The following ADAMTS17 variants were observed in gnomAD, a reference collection of about 807,000 sequenced individuals.
ADAMTS17 encodes the protein A disintegrin and metalloproteinase with thrombospondin motifs 17.
A neutral mutation model predicts 141.5 loss-of-function variants in ADAMTS17; 113 were observed. The observed-to-expected ratio is 0.80, with a 90% confidence interval of 0.69 to 0.93. The LOEUF (loss-of-function observed/expected upper bound fraction) is 0.93, where lower values mean the gene tolerates loss of function less well. ADAMTS17 is among the 40% of genes least tolerant of loss of function. The pLI is 0.00. For synonymous variants in ADAMTS17, 768 were observed against 630.6 expected (o/e 1.22, Z -3.27); for missense variants, 1,659 against 1,517.9 (o/e 1.09, Z -1.54).
intron 7 of ADAMTS17, among the ~76,000 whole-genome samples, chr15:100,205,449 G>T (rs1250143251): frequency 1.3e-5 from 2 of 152,188 alleles, no homozygotes; most frequent in African/African-American, 4.8e-5. Flanking sequence ...AGTGCATGGA[G>T]ATATCGTGCA....
chr15:100,186,919 T>C (rs1419364907), intron 8 of ADAMTS17, among the ~76,000 whole-genome samples: 1 of 152,228 alleles, frequency 6.6e-6, no homozygotes, highest in Admixed American at 6.5e-5. Flanking sequence ...TTTGTCTCAT[T>C]TCCCTTTTGC....
intron 18 of ADAMTS17, among the ~76,000 whole-genome samples, chr15:100,004,196 C>T (rs953426714): frequency 6.6e-6 from 1 of 152,230 alleles, no homozygotes; most frequent in Non-Finnish European, 1.5e-5. Flanking sequence ...GAGGAGCCGT[C>T]TACGGGGGTT....
At chr15:100,067,212 G>T (rs2033602227) in intron 15 of ADAMTS17, among the ~76,000 whole-genome samples, 1 of 151,440 alleles carries the variant, frequency 6.6e-6, no homozygotes, top group African/African-American at 2.4e-5. Context: ...CTTCCCTTAT[G>T]ATATTGAGAA....
At position 99,996,577 on chromosome 15, in the gene ADAMTS17, G is replaced by C. The variant is rs1433880054; in HGVS notation, c.2796+808C>G. On this transcript the variant is annotated intron_variant, in intron 19 of 21. Transcript: ENST00000268070. Reference sequence around the variant, plus strand: ...TGTTTGAAAATTAACCTTTGTTTTAGAGCAGCCAATGGCAGACTTTTCCTT... The same window carrying C: ...TGTTTGAAAATTAACCTTTGTTTTACAGCAGCCAATGGCAGACTTTTCCTT... Among the ~76,000 whole-genome samples, 9 of 152,300 alleles carry C rather than the reference G, an allele frequency of 5.9e-5. No homozygotes were observed. The South Asian group carries it at 1.9e-3, about 32-fold the overall frequency.
chr15:100,108,467 C>T (rs1442337252), intron 14 of ADAMTS17, among the ~76,000 whole-genome samples: 1 of 152,212 alleles, frequency 6.6e-6, no homozygotes, highest in East Asian at 1.9e-4. Context: ...AGCCACCGCA[C>T]CCGGCCTCTC....
intron 15 of ADAMTS17, among the ~76,000 whole-genome samples, chr15:100,090,898 C>A (rs2035418675): frequency 6.6e-6 from 1 of 151,364 alleles, no homozygotes; most frequent in African/African-American, 2.4e-5. Context: ...ATCTCAGCTA[C>A]TCAGGAGGCT....
intron 10 of ADAMTS17, among the ~76,000 whole-genome samples, chr15:100,152,015 G>A (rs1457310470): frequency 6.6e-6 from 1 of 152,192 alleles, no homozygotes; most frequent in Non-Finnish European, 1.5e-5. Context: ...GTAAACCAGG[G>A]ACAGGATCTC....
chr15:99,994,981 T>G (rs1157177086), intron 19 of ADAMTS17, among the ~76,000 whole-genome samples: 1 of 152,246 alleles, frequency 6.6e-6, no homozygotes, highest in East Asian at 1.9e-4. Flanking sequence ...CAATGTCCCC[T>G]GCAGGGAGTG....
chr15:100,112,734 T>G (rs2036864593), intron 13 of ADAMTS17, among the ~76,000 whole-genome samples: 3 of 152,164 alleles, frequency 2.0e-5, no homozygotes, highest in Non-Finnish European at 4.4e-5. Flanking sequence ...GAGATGGAAT[T>G]CTGACTGAAG....
In ADAMTS17 at chr15:100,281,386, G is replaced by C; in HGVS notation, c.632C>G (p.Thr211Arg). The C allele has an allele frequency of 1.9e-6, 3 of 1,612,560 alleles. No individual in the cohort carries two copies. Among genetic ancestry groups the C allele is most frequent in the Non-Finnish European group, 1.7e-6 (2 of 1,179,946 alleles). The change falls in exon 4 of 22, where the codon ACG becomes AGG. Residue 211 changes from threonine (T) to arginine (R), a missense_variant. Physicochemically the swap from Thr to Arg is moderately conservative, Grantham distance 71. Transcript: ENST00000268070. ...CKVLTEKKKP[T>R]WGRPSRDWRE... The stretch of plus-strand genomic sequence containing the variant: ...CCAGTCCCGCGAAGGCCTGCCCCAC[G>C]TCGGCTTCTTCTTTTCTAGAAAATG...
At position 99,993,965 on chromosome 15, in the gene ADAMTS17, G is replaced by A. The variant is rs1191329119; in HGVS notation, c.2797-765C>T. Reference sequence around the variant, plus strand: ...AGCAAGAAGGAGCGAAGAGGCAGGGGGCATGACAGGGTGTCAACACAGCAG... The same window carrying A: ...AGCAAGAAGGAGCGAAGAGGCAGGGAGCATGACAGGGTGTCAACACAGCAG... On this transcript the variant is annotated intron_variant, in intron 19 of 21. Coordinates refer to ENST00000268070, the MANE Select transcript of ADAMTS17 (RefSeq NM_139057.4). This position sits in a 1 kb window ranked among gnomAD's most constrained non-coding sequence, Gnocchi z 4.3. Among the ~76,000 whole-genome samples the A allele has an allele frequency of 6.6e-6, 1 of 152,178 alleles. No homozygotes were observed. Among genetic ancestry groups the A allele is most frequent in the Non-Finnish European group, 1.5e-5 (1 of 68,042 alleles).
At chr15:100,054,204 G>A (rs1172435268) in intron 15 of ADAMTS17, 150 bp from the exon 16 acceptor site, 4 of 884,786 alleles carry the variant, frequency 4.5e-6, no homozygotes, top group African/African-American at 3.3e-5. Flanking sequence ...GAAGGCGAGT[G>A]CTCTGTATAC....
At chr15:100,187,929 G>A (rs1422415373) in intron 8 of ADAMTS17, among the ~76,000 whole-genome samples, 2 of 152,198 alleles carry the variant, frequency 1.3e-5, no homozygotes. Flanking sequence ...AAGTCAAAGA[G>A]CAGCAATAAC....
chr15:100,152,963 T>TTATTATTTTTATTAGCAAGGAA (rs1389232010), intron 9 of ADAMTS17, among the ~76,000 whole-genome samples: 43 of 21,282 alleles, frequency 2.0e-3, no homozygotes, highest in Non-Finnish European at 5.9e-3. Flanking sequence ...CAAATGTGAA[T>TTATTATTTTTATTAGCAAGGAA]CTTCGCTCTG....
In ADAMTS17 at chr15:99,974,290, A is replaced by T; in HGVS notation, c.*112T>A. On this transcript the variant is annotated 3_prime_UTR_variant, in exon 22 of 22. Coordinates refer to ENST00000268070, the MANE Select transcript of ADAMTS17 (RefSeq NM_139057.4). ...CCAAGTCCACGCTCATGTTCTATGTAGTTGGATTCTTGTGGCAGCCGGGTG... is the reference window on the plus strand; with the variant it reads ...CCAAGTCCACGCTCATGTTCTATGTTGTTGGATTCTTGTGGCAGCCGGGTG... The T allele has an allele frequency of 7.3e-7, 1 of 1,377,966 alleles. No individual in the cohort carries two copies. Among genetic ancestry groups the T allele is most frequent in the Non-Finnish European group, 1.0e-6 (1 of 975,666 alleles). 85.4% of individuals were successfully genotyped at this position (1,377,966 alleles called of 1,614,324 possible).
intron 18 of ADAMTS17, among the ~76,000 whole-genome samples, chr15:100,037,514 C>G (rs112484287): frequency 0.046 from 6,965 of 151,918 alleles, 327 homozygotes; most frequent in African/African-American, 0.12. Context: ...GGGCTCAAGC[C>G]ATTCTCATGC....
At chr15:100,116,147 A>C (rs7166683) in intron 13 of ADAMTS17, among the ~76,000 whole-genome samples, 29,580 of 146,598 alleles carry the variant, frequency 0.2, 3,114 homozygotes, top group Middle Eastern at 0.27. Flanking sequence ...AAAAAAAAAA[A>C]AAAAAAAAAA....
chr15:100,296,468 T>C (rs547590197), intron 3 of ADAMTS17, among the ~76,000 whole-genome samples: 10 of 152,334 alleles, frequency 6.6e-5, no homozygotes, highest in African/African-American at 2.4e-4. Flanking sequence ...GTTTGCATTC[T>C]TTAAATAACT....
At chr15:100,063,824 C>T (rs2033308973) in intron 15 of ADAMTS17, 3 of 1,158,966 alleles carry the variant, frequency 2.6e-6, no homozygotes, top group Non-Finnish European at 3.4e-6. Context: ...CGTGCAGCAT[C>T]CCCCGGCCAA....
Sources: gnomAD v4.1 joint callset for allele counts (sites outside exome capture counted in the v4.1 genomes callset) on GRCh38, gnomAD v4.1.1 for gene constraint, Gnocchi (gnomAD v3.1) non-coding constraint, MANE v1.5 for transcripts, NCBI Gene and HGNC (gene_info 2026-07-23, HGNC 2026-07-21) for gene names.